BRIP1: variants seen among roughly 807,000 people sequenced by gnomAD.
BRIP1 encodes the protein Fanconi anemia group J protein.
In BRIP1, 88 loss-of-function variants were observed where a neutral mutation model predicts 119.7. That is an observed-to-expected ratio of 0.74 (90% CI 0.62 to 0.88). The LOEUF is 0.88. Ranked by LOEUF, BRIP1 falls within the 40% of genes least tolerant of loss-of-function variation. The pLI is 0.00. For synonymous variants in BRIP1, 443 were observed against 496.5 expected, an observed-to-expected ratio of 0.89 and a Z score of 1.43; for missense variants, 1,259 against 1,455.4, an observed-to-expected ratio of 0.87 and a Z score of 2.20.
chr17:61,732,480 A>G (rs944267441), intron 16 of BRIP1, among the ~76,000 whole-genome samples: 13 of 152,150 alleles, frequency 8.5e-5, no homozygotes, highest in Non-Finnish European at 2.9e-5. Flanking sequence ...GGTGTTGGTC[A>G]ACTTCAGCTT....
Position 61,711,446 on chromosome 17 carries a change from C to A in BRIP1, c.2492+4505G>T, listed in dbSNP as rs79814687. 8.3e-3 allele frequency among the ~76,000 whole-genome samples: 1,265 copies of A among 152,174 alleles called. 48 individuals are homozygous for A. In the East Asian group the frequency reaches 0.12, roughly 15 times the overall value. ...TAAGCAGATGTGATGCTTCAATAAC[C>A]TTCAGTGCAACTTGATTCCAAGTAA... On this transcript the variant is annotated intron_variant, in intron 17 of 19. Coordinates refer to ENST00000259008, the MANE Select transcript of BRIP1 (RefSeq NM_032043.3).
At position 61,693,599 on chromosome 17, in the gene BRIP1, A is replaced by T. The variant is rs367964913; in HGVS notation, c.2493-87T>A. ...TGGGACAGACAGAAAATTGGAAAAAAATCAATTTTATAGATTCCTTTAAAC... is the reference window on the plus strand; with the variant it reads ...TGGGACAGACAGAAAATTGGAAAAATATCAATTTTATAGATTCCTTTAAAC... On this transcript the variant is annotated intron_variant, in intron 17 of 19. Coordinates refer to ENST00000259008, the MANE Select transcript of BRIP1 (RefSeq NM_032043.3). This position sits in a 1 kb window ranked among gnomAD's most constrained non-coding sequence, Gnocchi z 4.2. The T allele has an allele frequency of 2.7e-6, 3 of 1,129,904 alleles. No individual in the cohort carries two copies. The South Asian group carries it at 3.8e-5, about 14-fold the overall frequency. 70.0% of individuals were successfully genotyped at this position (1,129,904 alleles called of 1,614,324 possible).
intron 4 of BRIP1, among the ~76,000 whole-genome samples, chr17:61,850,104 C>CTTTT (rs144151549): frequency 7.1e-6 from 1 of 139,886 alleles, no homozygotes. Context: ...TTTTAACCAT[C>CTTTT]TTTTTTTTTT....
At chr17:61,741,031 A>G (rs1303709171) in intron 16 of BRIP1, among the ~76,000 whole-genome samples, 1 of 152,246 alleles carries the variant, frequency 6.6e-6, no homozygotes, top group Non-Finnish European at 1.5e-5. Context: ...AATTGGGGTC[A>G]AGCCTCTCAA....
At position 61,765,384 on chromosome 17, in the gene BRIP1, TATATATATATATATATATATA is replaced by T. The variant is rs2077342885; in HGVS notation, c.2097+10996_2097+11016del. ...TGTGTGTGTGTGTGTATATATTATA[TATATATATATATATATATATA>T]TATATATATATATATATATTTTTTT... On this transcript the variant is annotated intron_variant, in intron 14 of 19. Coordinates refer to ENST00000259008, the MANE Select transcript of BRIP1 (RefSeq NM_032043.3). Among the ~76,000 whole-genome samples, 88 of 21,978 alleles carry T rather than the reference TATATATATATATATATATATA, an allele frequency of 4.0e-3. 2 individuals carry two copies. The highest frequency in any genetic ancestry group is 0.016 in the African/African-American group (86 of 5,494). The allele number at this position is 21,978 out of a possible 152,430, so 14.4% of individuals were successfully genotyped here. A position where few individuals can be genotyped will look rare whatever the true frequency, so the allele number is the denominator to read the frequency against.
In BRIP1 at chr17:61,847,090, T is replaced by C. The variant is rs1213278631; in HGVS notation, c.627+11A>G. 2.5e-6 allele frequency: 4 copies of C among 1,613,626 alleles called. No individual in the cohort carries two copies. The African/African-American group carries it at 4.0e-5, about 16-fold the overall frequency. On this transcript the variant is annotated intron_variant, in intron 6 of 19. Transcript: ENST00000259008. ...CCTTCTTTAAAACTGAACAATGGCA[T>C]TAATACATACTTTCTGTGGCGAAAA...
intron 4 of BRIP1, 28 bp from the exon 5 acceptor site, chr17:61,849,284 C>A (rs4988343): frequency 1.1e-4 from 168 of 1,598,266 alleles, no homozygotes; most frequent in Non-Finnish European, 1.3e-4. Context: ...AAAAAAACAG[C>A]ATAAATAACT....
Position 61,736,155 on chromosome 17 carries a change from G to T in BRIP1, c.2379+6858C>A, listed in dbSNP as rs1421517436. On this transcript the variant is annotated intron_variant, in intron 16 of 19. Coordinates refer to ENST00000259008, the MANE Select transcript of BRIP1 (RefSeq NM_032043.3). This position sits in a 1 kb window ranked among gnomAD's most constrained non-coding sequence, Gnocchi z 4.4. Reference sequence around the variant, plus strand: ...AGCTTGTACAACATAGCAAGACCTCGCCTCTCCAAAAAAAAAAAAAAGTTT... The same window carrying T: ...AGCTTGTACAACATAGCAAGACCTCTCCTCTCCAAAAAAAAAAAAAAGTTT... 6.7e-6 allele frequency among the ~76,000 whole-genome samples: 1 copy of T among 148,406 alleles called. No homozygotes were observed. Among genetic ancestry groups the T allele is most frequent in the African/African-American group, 2.5e-5 (1 of 40,232 alleles).
rs1245231014 is a variant in BRIP1, at chr17:61,846,228, G to GAGAGAGAGAGAGAAAA, written c.627+872_627+873insTTTTCTCTCTCTCTCT. ...AAATTTAAAAAATTATATACATATA[G>GAGAGAGAGAGAGAAAA]AGAGAGAGAGAGAGAAAAAGAGAGA... is the stretch of plus-strand genomic sequence containing the variant. On this transcript the variant is annotated intron_variant, in intron 6 of 19. Transcript: ENST00000259008. This position sits in a 1 kb window ranked among gnomAD's most constrained non-coding sequence, Gnocchi z 4.3. 7.2e-4 allele frequency among the ~76,000 whole-genome samples: 104 copies of GAGAGAGAGAGAGAAAA among 143,752 alleles called. No individual in the cohort carries two copies. The highest frequency in any genetic ancestry group is 1.5e-3 in the Non-Finnish European group (92 of 63,324). 94.3% of individuals were successfully genotyped at this position (143,752 alleles called of 152,430 possible).
Position 61,717,864 on chromosome 17 carries a change from A to G in BRIP1, c.2380-1801T>C, listed in dbSNP as rs546185857. ...CTGACCCTCTTTTTTTTCACTCTACACTTCATTTTGGATAATTTTTATTTA... is the reference window on the plus strand; with the variant it reads ...CTGACCCTCTTTTTTTTCACTCTACGCTTCATTTTGGATAATTTTTATTTA... On this transcript the variant is annotated intron_variant, in intron 16 of 19. Transcript: ENST00000259008. This position sits in a 1 kb window ranked among gnomAD's most constrained non-coding sequence, Gnocchi z 4.1. Among the ~76,000 whole-genome samples the G allele has an allele frequency of 3.3e-5, 5 of 151,810 alleles. No individual in the cohort carries two copies. The highest frequency in any genetic ancestry group is 4.2e-4 in the South Asian group (2 of 4,810).
At position 61,713,760 on chromosome 17, in the gene BRIP1, G is replaced by A. The variant is rs2061815391; in HGVS notation, c.2492+2191C>T. ...TGCTATCGAACTCCTGACCTTAAGTGATCTGCCCACCTTGGCCTCCCAAAG... is the reference window on the plus strand; with the variant it reads ...TGCTATCGAACTCCTGACCTTAAGTAATCTGCCCACCTTGGCCTCCCAAAG... On this transcript the variant is annotated intron_variant, in intron 17 of 19. Transcript: ENST00000259008. This position sits in a 1 kb window ranked among gnomAD's most constrained non-coding sequence, Gnocchi z 4.9. Among the ~76,000 whole-genome samples, 1 of 151,970 alleles carries A rather than the reference G, an allele frequency of 6.6e-6. No homozygotes were observed.
At position 61,756,376 on chromosome 17, in the gene BRIP1, A is replaced by G. The variant is rs529245969; in HGVS notation, c.2098-11785T>C. ...TCAGGTCTTATGGCTTACATATATG[A>G]AAAATGTGAGGTATCTTTGTTGAAA... On this transcript the variant is annotated intron_variant, in intron 14 of 19. Transcript: ENST00000259008. This position sits in a 1 kb window ranked among gnomAD's most constrained non-coding sequence, Gnocchi z 4.3. 6.6e-6 allele frequency among the ~76,000 whole-genome samples: 1 copy of G among 152,336 alleles called. No individual in the cohort carries two copies. Among genetic ancestry groups the G allele is most frequent in the East Asian group, 1.9e-4 (1 of 5,192 alleles).
At chr17:61,785,065 A>G (rs1470010642) in intron 10 of BRIP1, among the ~76,000 whole-genome samples, 1 of 152,208 alleles carries the variant, frequency 6.6e-6, no homozygotes, top group Non-Finnish European at 1.5e-5. Context: ...AGAAGATTCA[A>G]TCAGGGTATT....
In BRIP1 at chr17:61,710,322, A is replaced by G. The variant is rs2061751721; in HGVS notation, c.2492+5629T>C. 6.6e-6 allele frequency among the ~76,000 whole-genome samples: 1 copy of G among 152,304 alleles called. No individual in the cohort carries two copies. The highest frequency in any genetic ancestry group is 2.4e-5 in the African/African-American group (1 of 41,578). ...GCACTGAACCTCACATTTTTCACTA[A>G]TTCAACAAGCATTTGAGACTTAGTT... On this transcript the variant is annotated intron_variant, in intron 17 of 19. Transcript: ENST00000259008. This position sits in a 1 kb window ranked among gnomAD's most constrained non-coding sequence, Gnocchi z 5.4.
At position 61,832,429 on chromosome 17, in the gene BRIP1, A is replaced by T. The variant is rs964172124; in HGVS notation, c.627+14672T>A. 6.6e-6 allele frequency among the ~76,000 whole-genome samples: 1 copy of T among 152,252 alleles called. No homozygotes were observed. The highest frequency in any genetic ancestry group is 1.5e-5 in the Non-Finnish European group (1 of 68,042). ...AGTCCTCTTTTATAAAGGCAAAAAG[A>T]TAACTGTAAAGTTATATTTTTTACC... On this transcript the variant is annotated intron_variant, in intron 6 of 19. Transcript: ENST00000259008. The surrounding 1 kb of genome is among the most constrained non-coding windows in gnomAD (Gnocchi z 5.5).
At position 61,744,410 on chromosome 17, in the gene BRIP1, C is replaced by T; in HGVS notation, c.2257+22G>A. The T allele has an allele frequency of 1.2e-6, 2 of 1,609,342 alleles. No individual in the cohort carries two copies. The highest frequency in any genetic ancestry group is 1.7e-6 in the Non-Finnish European group (2 of 1,176,184). ...GTAATAAAAAATATTTTTTCACCGACCATGAAATAATTTCCAGTTACCTTT... is the reference window on the plus strand; with the variant it reads ...GTAATAAAAAATATTTTTTCACCGATCATGAAATAATTTCCAGTTACCTTT... On this transcript the variant is annotated intron_variant, in intron 15 of 19. Coordinates refer to ENST00000259008, the MANE Select transcript of BRIP1 (RefSeq NM_032043.3). The surrounding 1 kb of genome is among the most constrained non-coding windows in gnomAD (Gnocchi z 5.0).
intron 16 of BRIP1, among the ~76,000 whole-genome samples, chr17:61,727,704 A>C (rs1035643423): frequency 1.3e-5 from 2 of 152,004 alleles, no homozygotes; most frequent in Admixed American, 6.6e-5. Flanking sequence ...TTGAGGCTGC[A>C]GTGAGCCATG....
At position 61,752,942 on chromosome 17, in the gene BRIP1, C is replaced by T. The variant is rs1273607633; in HGVS notation, c.2098-8351G>A. Reference sequence around the variant, plus strand: ...TACCTGCTATGTTTTGAACATTTGTCCTCTCCAAAATGTTGAAATTTAATC... The same window carrying T: ...TACCTGCTATGTTTTGAACATTTGTTCTCTCCAAAATGTTGAAATTTAATC... On this transcript the variant is annotated intron_variant, in intron 14 of 19. Coordinates refer to ENST00000259008, the MANE Select transcript of BRIP1 (RefSeq NM_032043.3). The surrounding 1 kb of genome is among the most constrained non-coding windows in gnomAD (Gnocchi z 6.2). 6.6e-6 allele frequency among the ~76,000 whole-genome samples: 1 copy of T among 152,116 alleles called. No individual in the cohort carries two copies. The highest frequency in any genetic ancestry group is 2.4e-5 in the African/African-American group (1 of 41,410).
In BRIP1 at chr17:61,784,259, T is replaced by C. The variant is rs1064793459; in HGVS notation, c.1628+11A>G. 16 of 1,608,988 alleles carry C rather than the reference T, an allele frequency of 9.9e-6. No individual in the cohort carries two copies. The highest frequency in any genetic ancestry group is 1.3e-5 in the Non-Finnish European group (15 of 1,176,278). ...TTAAAAGGAAAATACATACTAGTTA[T>C]CTTCACTTACCTGCTATTTTGCCTA... On this transcript the variant is annotated intron_variant, in intron 11 of 19. Transcript: ENST00000259008.
Sources: allele counts gnomAD v4.1 joint callset (sites outside exome capture counted in the v4.1 genomes callset), GRCh38; gene constraint gnomAD v4.1.1; non-coding constraint Gnocchi (gnomAD v3.1); transcripts MANE v1.5; gene names NCBI Gene and HGNC (gene_info 2026-07-23, HGNC 2026-07-21).